Variants in CECR2 observed in about 807,000 individuals in gnomAD.
The protein encoded by CECR2 is chromatin remodeling regulator CECR2.
CECR2 carries 30 observed loss-of-function variants against 154.5 expected under a neutral mutation model. The ratio of observed to expected loss-of-function variants is 0.19; its 90% CI spans 0.15 to 0.26. The LOEUF (loss-of-function observed/expected upper bound fraction) is 0.26. CECR2 is among the 10% of genes least tolerant of loss of function. The probability of loss-of-function intolerance (pLI) is 1.00; values close to 1 mark genes in which losing one functional copy is unlikely to be tolerated. For synonymous variants in CECR2, 725 were observed against 683.7 expected, an observed-to-expected ratio of 1.06 and a Z score of -0.94; for missense variants, 1,743 against 1,829.3, an observed-to-expected ratio of 0.95 and a Z score of 0.86.
intron 1 of CECR2, among the ~76,000 whole-genome samples, chr22:17,382,202 C>T (rs1292117120): frequency 4.6e-5 from 7 of 151,930 alleles, no homozygotes; most frequent in Admixed American, 2.0e-4. Context: ...AGAGCCCCTT[C>T]CTCATAGAGA....
chr22:17,499,364 G>A lies in CECR2; in HGVS notation c.406-46G>A, dbSNP rs374103184. 72 of 1,580,502 alleles carry A rather than the reference G, an allele frequency of 4.6e-5. 1 individual carries two copies. The highest frequency in any genetic ancestry group is 1.9e-4 in the South Asian group (16 of 85,542). On this transcript the variant is annotated intron_variant, in intron 3 of 18. Transcript: ENST00000262608. ...CCTCGTTCTGGTTTTTTCCTGGTGCGTTTTGTTCCCCATTTCCCCAAACCC... is the reference window on the plus strand; with the variant it reads ...CCTCGTTCTGGTTTTTTCCTGGTGCATTTTGTTCCCCATTTCCCCAAACCC...
At chr22:17,476,309 G>C (rs1482535615) in intron 1 of CECR2, among the ~76,000 whole-genome samples, 2 of 151,844 alleles carry the variant, frequency 1.3e-5, no homozygotes, top group South Asian at 2.1e-4. Flanking sequence ...CTGTCGCCCA[G>C]GCTGGAGTAC....
At chr22:17,447,653 A>G (rs1356233848) in intron 1 of CECR2, among the ~76,000 whole-genome samples, 2 of 76,054 alleles carry the variant, frequency 2.6e-5, no homozygotes. Context: ...CCAGAGACTT[A>G]AAAAAAAAAA....
At chr22:17,378,176 G>T (rs1601245828) in intron 1 of CECR2, among the ~76,000 whole-genome samples, 2 of 151,308 alleles carry the variant, frequency 1.3e-5, no homozygotes, top group African/African-American at 4.9e-5. Flanking sequence ...GTAGAGACGG[G>T]GTTTCACCGT....
chr22:17,365,444 T>C (rs543464650), upstream of CECR2, among the ~76,000 whole-genome samples: 20 of 152,242 alleles, frequency 1.3e-4, no homozygotes, highest in South Asian at 2.1e-4. Flanking sequence ...CCTGTAATCC[T>C]AGTACTTTGG....
chr22:17,464,903 T>C (rs2055002535), intron 1 of CECR2, among the ~76,000 whole-genome samples: 1 of 152,156 alleles, frequency 6.6e-6, no homozygotes, highest in Non-Finnish European at 1.5e-5. Flanking sequence ...TTTCTGAAAA[T>C]TTTTCTAAGT....
At chr22:17,378,786 C>G (rs1228753083) in intron 1 of CECR2, among the ~76,000 whole-genome samples, 1 of 152,138 alleles carries the variant, frequency 6.6e-6, no homozygotes, top group Non-Finnish European at 1.5e-5. Context: ...AGAAGGTACA[C>G]CCTATGTGAG....
At chr22:17,386,840 A>T (rs1316596809) in intron 1 of CECR2, among the ~76,000 whole-genome samples, 1 of 152,040 alleles carries the variant, frequency 6.6e-6, no homozygotes, top group Non-Finnish European at 1.5e-5. Context: ...TAGTAGAGAC[A>T]GGGTTTCATC....
intron 1 of CECR2, among the ~76,000 whole-genome samples, chr22:17,442,774 C>T (rs931253194): frequency 7.2e-5 from 11 of 152,084 alleles, no homozygotes; most frequent in Non-Finnish European, 1.6e-4. Context: ...GTCTTGAACT[C>T]CTGACCTCAT....
chr22:17,376,412 T>C (rs1044218790), intron 1 of CECR2, among the ~76,000 whole-genome samples: 32 of 126,940 alleles, frequency 2.5e-4, no homozygotes, highest in African/African-American at 8.0e-4. Flanking sequence ...AAAATACACC[T>C]TGGCAGCATT....
At chr22:17,447,398 C>T (rs2054690277) in intron 1 of CECR2, among the ~76,000 whole-genome samples, 1 of 151,984 alleles carries the variant, frequency 6.6e-6, no homozygotes, top group African/African-American at 2.4e-5. Context: ...CGTGATCCAC[C>T]CACCTCGGCC....
At chr22:17,442,150 A>AAG (rs59867593) in intron 1 of CECR2, among the ~76,000 whole-genome samples, 45,142 of 152,004 alleles carry the variant, frequency 0.3, 9,731 homozygotes, top group African/African-American at 0.58. Context: ...AAGACAGAAA[A>AAG]AACCGCAAAA....
chr22:17,543,901 G>A (rs1188925164), intron 16 of CECR2, among the ~76,000 whole-genome samples: 1 of 152,244 alleles, frequency 6.6e-6, no homozygotes, highest in Non-Finnish European at 1.5e-5. Context: ...CTTCGAGATA[G>A]CTACTGTTAC....
intron 9 of CECR2, among the ~76,000 whole-genome samples, chr22:17,532,314 A>C (rs1222134422): frequency 6.6e-6 from 1 of 152,234 alleles, no homozygotes; most frequent in Admixed American, 6.5e-5. Flanking sequence ...TCCAAAATCT[A>C]GTTATTGACA....
chr22:17,413,222 A>G (rs2054093003), intron 1 of CECR2, among the ~76,000 whole-genome samples: 1 of 152,168 alleles, frequency 6.6e-6, no homozygotes, highest in African/African-American at 2.4e-5. Flanking sequence ...CACAGAGGAG[A>G]ACAAAGAGAG....
At chr22:17,492,588 A>AG (rs1444276259) in intron 2 of CECR2, among the ~76,000 whole-genome samples, 3 of 152,234 alleles carry the variant, frequency 2.0e-5, no homozygotes, top group Admixed American at 6.5e-5. Context: ...TCACTCATAG[A>AG]GGGAAAAAAA....
chr22:17,372,555 T>C (rs2063073178), intron 1 of CECR2, among the ~76,000 whole-genome samples: 1 of 152,016 alleles, frequency 6.6e-6, no homozygotes. Context: ...TAATCCCAGT[T>C]ACATCCGTAG....
rs1390777883 is a variant in CECR2, at chr22:17,370,264, G to C, written c.126+355G>C. Among the ~76,000 whole-genome samples, 4 of 149,278 alleles carry C rather than the reference G, an allele frequency of 2.7e-5. No homozygotes were observed. In the East Asian group the frequency reaches 7.9e-4, roughly 30 times the overall value. ...GGGTGTGGGCGCGAGGGCTGCGCGC[G>C]CTCGCCGCCCGGTGCCATTGAGGCG... On this transcript the variant is annotated intron_variant, in intron 1 of 18. Coordinates refer to ENST00000262608, the MANE Select transcript of CECR2 (RefSeq NM_001290047.2).
At chr22:17,513,035 C>G (rs2055987445) in intron 8 of CECR2, among the ~76,000 whole-genome samples, 1 of 152,104 alleles carries the variant, frequency 6.6e-6, no homozygotes, top group African/African-American at 2.4e-5. Context: ...GGTGCAACCA[C>G]TAATTAAAAG....
Sources: gnomAD v4.1 joint callset for allele counts (sites outside exome capture counted in the v4.1 genomes callset) on GRCh38, gnomAD v4.1.1 for gene constraint, MANE v1.5 for transcripts, NCBI Gene and HGNC (gene_info 2026-07-23, HGNC 2026-07-21) for gene names.